Variants in KCNJ3 observed in about 807,000 individuals in gnomAD.
The protein encoded by KCNJ3 is potassium inwardly rectifying channel subfamily J member 3, also known as G protein-activated inward rectifier potassium channel 1.
KCNJ3 carries 4 observed loss-of-function variants against 39.2 expected under a neutral mutation model. That is an observed-to-expected ratio of 0.10 (90% CI 0.05 to 0.23). The LOEUF is 0.23. Among genes scored for constraint, KCNJ3 ranks in the 10% least tolerant of loss-of-function variants. KCNJ3 has a pLI of 1.00. For missense variants in KCNJ3, 276 were observed against 634.9 expected, an observed-to-expected ratio of 0.43 and a Z score of 6.08; for synonymous variants, 230 against 237.4, an observed-to-expected ratio of 0.97 and a Z score of 0.29.
At chr2:154,742,574 T>G (rs1398368462) in intron 2 of KCNJ3, among the ~76,000 whole-genome samples, 1 of 151,872 alleles carries the variant, frequency 6.6e-6, no homozygotes, top group South Asian at 2.1e-4. Flanking sequence ...TCCTAATTGA[T>G]CTGAGGTGGT....
intron 2 of KCNJ3, among the ~76,000 whole-genome samples, chr2:154,811,578 C>A (rs1574471176): frequency 6.6e-6 from 1 of 152,152 alleles, no homozygotes; most frequent in Non-Finnish European, 1.5e-5. Flanking sequence ...AGGCATGAAC[C>A]ACTGTGCCCG....
At chr2:154,791,080 C>G (rs1444309007) in intron 2 of KCNJ3, among the ~76,000 whole-genome samples, 1 of 152,032 alleles carries the variant, frequency 6.6e-6, no homozygotes, top group Non-Finnish European at 1.5e-5. Context: ...GGGAAGAGTA[C>G]TGGAGAAAGA....
At chr2:154,721,003 T>C (rs970831643) in intron 2 of KCNJ3, among the ~76,000 whole-genome samples, 2 of 151,380 alleles carry the variant, frequency 1.3e-5, no homozygotes, top group East Asian at 1.9e-4. Context: ...GCATGTGTTA[T>C]CTAGTTTTTT....
rs190960948 is a variant in KCNJ3, at chr2:154,743,175, A to G, written c.919+33356A>G. On this transcript the variant is annotated intron_variant, in intron 2 of 2. Transcript: ENST00000295101. ...CATCTTTGTCAAAAATTATTTGACC[A>G]TATACATAAGAGTTTATTTCTGGGC... Among the ~76,000 whole-genome samples, 181 of 151,954 alleles carry G rather than the reference A, an allele frequency of 1.2e-3. 1 individual carries two copies. Among genetic ancestry groups the G allele is most frequent in the Non-Finnish European group, 2.2e-3 (148 of 67,800 alleles).
At chr2:154,796,321 A>G (rs1686720268) in intron 2 of KCNJ3, among the ~76,000 whole-genome samples, 6 of 152,148 alleles carry the variant, frequency 3.9e-5, no homozygotes, top group Admixed American at 3.9e-4. Context: ...CTGTGGACAT[A>G]AAATACCCCT....
intron 2 of KCNJ3, among the ~76,000 whole-genome samples, chr2:154,760,726 C>CT (rs1242554932): frequency 1.1e-4 from 13 of 116,948 alleles, no homozygotes; most frequent in Non-Finnish European, 1.7e-4. Context: ...CTATTTTTTT[C>CT]TTTTTTTTCT....
intron 2 of KCNJ3, among the ~76,000 whole-genome samples, chr2:154,784,700 A>G (rs1055294136): frequency 3.9e-5 from 6 of 152,082 alleles, no homozygotes; most frequent in African/African-American, 1.4e-4. Context: ...TAACTTTTTA[A>G]AAGTCAAAGT....
chr2:154,776,282 G>A (rs185738878), intron 2 of KCNJ3, among the ~76,000 whole-genome samples: 144 of 152,156 alleles, frequency 9.5e-4, no homozygotes, highest in African/African-American at 3.3e-3. Context: ...GAGTACAGGC[G>A]TGAGCCACCG....
At chr2:154,783,930 A>T (rs1385370118) in intron 2 of KCNJ3, among the ~76,000 whole-genome samples, 1 of 152,218 alleles carries the variant, frequency 6.6e-6, no homozygotes, top group Non-Finnish European at 1.5e-5. Flanking sequence ...CTGAACATAT[A>T]CAATGATGGA....
intron 1 of KCNJ3, among the ~76,000 whole-genome samples, chr2:154,702,802 A>G (rs1459945513): frequency 6.6e-6 from 1 of 152,008 alleles, no homozygotes; most frequent in Non-Finnish European, 1.5e-5. Context: ...AGCTCTTTTA[A>G]GATGAATATT....
chr2:154,796,785 G>A (rs1011822162), intron 2 of KCNJ3, among the ~76,000 whole-genome samples: 4 of 152,012 alleles, frequency 2.6e-5, no homozygotes, highest in Non-Finnish European at 5.9e-5. Flanking sequence ...AATTTGGAAG[G>A]GTGCTTAAGA....
At position 154,706,622 on chromosome 2, in the gene KCNJ3, G is replaced by A. The variant is rs539943995; in HGVS notation, c.703-2981G>A. ...CTCTCACTCCTTTTACACAAGTTGA[G>A]ATTTAAAACTAACTCATAGGCTTTT... On this transcript the variant is annotated intron_variant, in intron 1 of 2. Transcript: ENST00000295101. Among the ~76,000 whole-genome samples the A allele has an allele frequency of 3.7e-3, 560 of 152,068 alleles. 2 individuals carry two copies. Among genetic ancestry groups the A allele is most frequent in the Non-Finnish European group, 3.3e-3 (222 of 67,944 alleles).
At chr2:154,843,570 A>G (rs1687615665) in intron 2 of KCNJ3, among the ~76,000 whole-genome samples, 1 of 152,096 alleles carries the variant, frequency 6.6e-6, no homozygotes, top group African/African-American at 2.4e-5. Flanking sequence ...ACTTTCAGGT[A>G]CACCAATCAA....
chr2:154,813,951 C>T (rs777458669), intron 2 of KCNJ3, among the ~76,000 whole-genome samples: 8 of 152,136 alleles, frequency 5.3e-5, no homozygotes, highest in Non-Finnish European at 1.0e-4. Flanking sequence ...TAAATAGTCA[C>T]AAGTTGTAGC....
chr2:154,755,934 C>G (rs1190709878), intron 2 of KCNJ3, among the ~76,000 whole-genome samples: 1 of 152,036 alleles, frequency 6.6e-6, no homozygotes. Flanking sequence ...ATAAAACTGT[C>G]TCGAAGATGT....
At chr2:154,764,663 A>G (rs1686101124) in intron 2 of KCNJ3, among the ~76,000 whole-genome samples, 1 of 152,184 alleles carries the variant, frequency 6.6e-6, no homozygotes, top group East Asian at 1.9e-4. Context: ...TTTGGGCCAC[A>G]TGTAAAATGC....
At chr2:154,753,222 G>A (rs1685879788) in intron 2 of KCNJ3, among the ~76,000 whole-genome samples, 1 of 152,058 alleles carries the variant, frequency 6.6e-6, no homozygotes, top group African/African-American at 2.4e-5. Flanking sequence ...ACACTCCCCT[G>A]TTACTTTCAA....
chr2:154,702,336 T>C (rs1161788786), intron 1 of KCNJ3, among the ~76,000 whole-genome samples: 1 of 151,982 alleles, frequency 6.6e-6, no homozygotes, highest in Non-Finnish European at 1.5e-5. Context: ...TTACTAATTT[T>C]TCTATTACTG....
At chr2:154,767,900 C>A (rs1479093141) in intron 2 of KCNJ3, among the ~76,000 whole-genome samples, 1 of 152,180 alleles carries the variant, frequency 6.6e-6, no homozygotes, top group Admixed American at 6.5e-5. Flanking sequence ...GAGATGGTAT[C>A]TCATTGTGGT....
Sources: allele counts gnomAD v4.1 joint callset (sites outside exome capture counted in the v4.1 genomes callset), GRCh38; gene constraint gnomAD v4.1.1; transcripts MANE v1.5; gene names NCBI Gene and HGNC (gene_info 2026-07-23, HGNC 2026-07-21).